CEP128: variants seen among roughly 807,000 people sequenced by gnomAD.
The protein encoded by CEP128 is centrosomal protein 128kDa.
In CEP128, 132 loss-of-function variants were observed where a neutral mutation model predicts 156.7. The observed-to-expected ratio is 0.84, with a 90% CI of 0.73 to 0.97. CEP128 has a LOEUF of 0.97. Ranked by LOEUF, CEP128 falls within the 50% of genes least tolerant of loss-of-function variation. The pLI is 0.00. For synonymous variants in CEP128, 469 were observed against 448.9 expected (o/e 1.04, Z -0.57); for missense variants, 1,252 against 1,281.9 (o/e 0.98, Z 0.36).
chr14:80,729,206 C>T (rs929467764), intron 19 of CEP128, among the ~76,000 whole-genome samples: 2 of 150,526 alleles, frequency 1.3e-5, no homozygotes, highest in African/African-American at 2.4e-5. Context: ...CTGTATCATT[C>T]TTATGCCTTT....
intron 19 of CEP128, among the ~76,000 whole-genome samples, chr14:80,696,160 T>G (rs948576670): frequency 3.9e-5 from 6 of 152,186 alleles, no homozygotes; most frequent in African/African-American, 9.7e-5. Flanking sequence ...GTTTGGTTAC[T>G]GGGATGAGAG....
intron 19 of CEP128, among the ~76,000 whole-genome samples, chr14:80,616,521 C>T (rs933978789): frequency 9.0e-5 from 11 of 121,782 alleles, no homozygotes; most frequent in African/African-American, 3.4e-4. Context: ...TACCCAAATT[C>T]AACTGTTTTT....
chr14:80,676,439 T>A (rs903697348), intron 19 of CEP128, among the ~76,000 whole-genome samples: 2 of 142,448 alleles, frequency 1.4e-5, no homozygotes, highest in Non-Finnish European at 3.1e-5. Context: ...TTCTATTAAT[T>A]TGTGATTTTT....
At chr14:80,494,878 C>T (rs767058331), downstream of CEP128, among the ~76,000 whole-genome samples, 1 of 152,044 alleles carries the variant, frequency 6.6e-6, no homozygotes, top group Non-Finnish European at 1.5e-5. Flanking sequence ...GTGCATAAAA[C>T]GTTACATAAC....
At chr14:80,938,257 T>TTC (rs1885937993) in intron 2 of CEP128, among the ~76,000 whole-genome samples, 1 of 149,178 alleles carries the variant, frequency 6.7e-6, no homozygotes, top group Admixed American at 6.7e-5. Flanking sequence ...TTTTTTTTTT[T>TTC]TTTTTTTGAG....
intron 17 of CEP128, among the ~76,000 whole-genome samples, chr14:80,760,858 AG>A (rs1899927599): frequency 1.3e-5 from 2 of 152,126 alleles, no homozygotes; most frequent in Admixed American, 1.3e-4. Flanking sequence ...TAAACAGGGA[AG>A]GCGGATAACA....
chr14:80,512,627 G>T (rs1188811684), intron 23 of CEP128, among the ~76,000 whole-genome samples: 1 of 151,610 alleles, frequency 6.6e-6, no homozygotes. Flanking sequence ...CTGTCATTTT[G>T]TTATTCATTT....
At chr14:80,862,952 G>C in intron 8 of CEP128, 79 bp from the exon 9 acceptor site, 1 of 965,936 alleles carries the variant, frequency 1.0e-6, no homozygotes, top group South Asian at 1.4e-5. Context: ...TAGTTTTATA[G>C]CAGATACACT....
Position 80,743,186 on chromosome 14 carries a change from T to A in CEP128, c.2695A>T (p.Arg899Ter), listed in dbSNP as rs771643777. The change falls in exon 19 of 25, where the codon AGA (arginine) becomes TGA (stop). Residue 899 changes from arginine to a stop codon, truncating the protein, a stop_gained. Transcript: ENST00000555265. LOFTEE classifies it high-confidence loss of function. ...KNLRHQLMLC[R>*]QQLRNLTENK... ...TCAGTCAAATTCCTGAGTTGTTGTCTGCAGAGCATCAGCTGGTGTCGCAGA... is the reference window on the plus strand; with the variant it reads ...TCAGTCAAATTCCTGAGTTGTTGTCAGCAGAGCATCAGCTGGTGTCGCAGA... 1.2e-6 allele frequency: 2 copies of A among 1,613,854 alleles called. No homozygotes were observed. The highest frequency in any genetic ancestry group is 8.5e-7 in the Non-Finnish European group (1 of 1,179,864).
chr14:80,494,440 T>C (rs145959467), downstream of CEP128, among the ~76,000 whole-genome samples: 1,282 of 152,262 alleles, frequency 8.4e-3, 3 homozygotes, highest in Non-Finnish European at 0.014. Flanking sequence ...GCATTTAGAG[T>C]AAGAACAAAT....
At position 80,785,165 on chromosome 14, in the gene CEP128, A is replaced by T; in HGVS notation, c.1941T>A (p.Leu647=). The T allele has an allele frequency of 6.2e-7, 1 of 1,614,024 alleles. No homozygotes were observed. Among genetic ancestry groups the T allele is most frequent in the South Asian group, 1.1e-5 (1 of 91,082 alleles). The part of the protein sequence containing the change: ...IKDLSAIRAD[L]ANKLAEEERA... ...TCTCTTCCTCAGCCAATTTATTAGCAAGATCTGCTCGGATGGCACTCAGGT... is the reference window on the plus strand; with the variant it reads ...TCTCTTCCTCAGCCAATTTATTAGCTAGATCTGCTCGGATGGCACTCAGGT... Residue 647 remains leucine, a synonymous_variant, in exon 15 of 25, where the codon CTT becomes CTA. Transcript: ENST00000555265.
At chr14:80,810,678 T>A (rs1279158950) in intron 13 of CEP128, among the ~76,000 whole-genome samples, 1 of 152,200 alleles carries the variant, frequency 6.6e-6, no homozygotes, top group Non-Finnish European at 1.5e-5. Flanking sequence ...AATTGCCACC[T>A]CTTCAGTTTT....
intron 19 of CEP128, among the ~76,000 whole-genome samples, chr14:80,708,397 T>C (rs1897293874): frequency 6.6e-6 from 1 of 152,188 alleles, no homozygotes; most frequent in Non-Finnish European, 1.5e-5. Flanking sequence ...TTTGGATTTT[T>C]TAATAAGTTG....
intron 19 of CEP128, among the ~76,000 whole-genome samples, chr14:80,649,732 A>T (rs1007953833): frequency 1.3e-5 from 2 of 151,924 alleles, no homozygotes; most frequent in African/African-American, 4.8e-5. Flanking sequence ...GTCCTGATGG[A>T]AAAGCAATTT....
chr14:80,518,301 T>G (rs1447761002), intron 23 of CEP128, among the ~76,000 whole-genome samples: 1 of 151,624 alleles, frequency 6.6e-6, no homozygotes, highest in African/African-American at 2.4e-5. Context: ...TATTTAAAGG[T>G]GGATGCAGTC....
intron 16 of CEP128, among the ~76,000 whole-genome samples, chr14:80,764,492 C>T (rs1423127732): frequency 6.8e-6 from 1 of 147,058 alleles, no homozygotes; most frequent in African/African-American, 2.5e-5. Context: ...GGCGACAGAG[C>T]GAGACTCCGT....
At chr14:80,815,045 G>A (rs751876131) in intron 13 of CEP128, among the ~76,000 whole-genome samples, 20 of 152,052 alleles carry the variant, frequency 1.3e-4, no homozygotes, top group Admixed American at 2.6e-4. Flanking sequence ...GCAACAGAGC[G>A]AGACTCCGTC....
chr14:80,726,645 G>A (rs1280657296), intron 19 of CEP128, among the ~76,000 whole-genome samples: 2 of 152,174 alleles, frequency 1.3e-5, no homozygotes, highest in Non-Finnish European at 2.9e-5. Context: ...TGGGTTGCCT[G>A]TGCAAGACAA....
At chr14:80,592,004 C>T (rs1187541141) in intron 19 of CEP128, among the ~76,000 whole-genome samples, 1 of 152,080 alleles carries the variant, frequency 6.6e-6, no homozygotes, top group Non-Finnish European at 1.5e-5. Context: ...CACAGATAAG[C>T]AGTGTTTAGA....
Sources: allele counts gnomAD v4.1 joint callset (sites outside exome capture counted in the v4.1 genomes callset), GRCh38; gene constraint gnomAD v4.1.1; transcripts MANE v1.5; gene names NCBI Gene and HGNC (gene_info 2026-07-23, HGNC 2026-07-21).